The following ITFG1 variants were observed in gnomAD, a reference collection of about 807,000 sequenced individuals.
ITFG1 encodes the protein T-cell immunomodulatory protein.
A neutral mutation model predicts 81.8 loss-of-function variants in ITFG1; 34 were observed. That is an observed-to-expected ratio of 0.42 (90% confidence interval 0.32 to 0.55). The LOEUF (loss-of-function observed/expected upper bound fraction) is 0.55. Among genes scored for constraint, ITFG1 ranks in the 20% least tolerant of loss-of-function variants. The probability of loss-of-function intolerance (pLI) is 0.17; values close to 1 mark genes in which losing one functional copy is unlikely to be tolerated. For missense variants in ITFG1, 672 were observed against 755.4 expected (o/e 0.89, Z 1.29); for synonymous variants, 285 against 270.6 (o/e 1.05, Z -0.52).
chr16:47,452,622 C>A (rs974929891), intron 4 of ITFG1, 111 bp downstream of exon 4: 2 of 680,236 alleles, frequency 2.9e-6, no homozygotes, highest in Admixed American at 6.1e-5. Flanking sequence ...AAGGTACAGG[C>A]CTCTGAGTGA....
At chr16:47,374,559 T>G (rs1249894332) in intron 7 of ITFG1, among the ~76,000 whole-genome samples, 1 of 152,172 alleles carries the variant, frequency 6.6e-6, no homozygotes, top group Non-Finnish European at 1.5e-5. Context: ...CATTTTCTAA[T>G]ACTAGAAGAT....
At chr16:47,320,091 C>A (rs1296187596) in intron 8 of ITFG1, among the ~76,000 whole-genome samples, 2 of 152,130 alleles carry the variant, frequency 1.3e-5, no homozygotes, top group African/African-American at 4.8e-5. Context: ...CCAGCAGAGG[C>A]CCATATTTTG....
At chr16:47,372,261 T>C (rs1596938665) in intron 7 of ITFG1, among the ~76,000 whole-genome samples, 9 of 152,096 alleles carry the variant, frequency 5.9e-5, no homozygotes, top group Admixed American at 5.2e-4. Flanking sequence ...ATTTTTAATA[T>C]AGAGATGAGG....
intron 14 of ITFG1, among the ~76,000 whole-genome samples, chr16:47,184,943 G>T (rs962915646): frequency 6.6e-6 from 1 of 151,560 alleles, no homozygotes; most frequent in African/African-American, 2.4e-5. Flanking sequence ...GATCTACCAA[G>T]CAAATGGAAA....
intron 8 of ITFG1, among the ~76,000 whole-genome samples, chr16:47,314,071 G>C (rs902286300): frequency 1.7e-4 from 26 of 152,090 alleles, no homozygotes; most frequent in African/African-American, 6.0e-4. Flanking sequence ...TAGGAGGGAG[G>C]GGGGCAAGGG....
intron 6 of ITFG1, among the ~76,000 whole-genome samples, chr16:47,419,558 C>A (rs557086860): frequency 3.0e-4 from 46 of 151,872 alleles, no homozygotes; most frequent in Middle Eastern, 3.4e-3. Flanking sequence ...AGGCGTGAGC[C>A]ACTGCACCTG....
At chr16:47,394,021 A>T (rs1457398456) in intron 6 of ITFG1, among the ~76,000 whole-genome samples, 1 of 152,228 alleles carries the variant, frequency 6.6e-6, no homozygotes. Flanking sequence ...TGGAATTAGC[A>T]TTAATTTCAG....
chr16:47,390,591 T>C (rs1427872186), intron 6 of ITFG1, among the ~76,000 whole-genome samples: 2 of 152,146 alleles, frequency 1.3e-5, no homozygotes, highest in Non-Finnish European at 2.9e-5. Flanking sequence ...CCCAAGTAGC[T>C]GGGATTACAG....
Position 47,453,994 on chromosome 16 carries a change from A to T in ITFG1, c.427+19T>A, listed in dbSNP as rs1331587886. On this transcript the variant is annotated intron_variant, in intron 3 of 17. Coordinates refer to ENST00000320640, the MANE Select transcript of ITFG1 (RefSeq NM_030790.5). ...TCATATTCAATGATAAATATTAAAA[A>T]TTTTTAAAACAAATTCACCTAATGT... The T allele has an allele frequency of 1.3e-5, 19 of 1,516,288 alleles. No homozygotes were observed. The Admixed American group carries it at 1.8e-4, about 14-fold the overall frequency. The allele number at this position is 1,516,288 out of a possible 1,614,324, so 93.9% of individuals were successfully genotyped here. A position where few individuals can be genotyped will look rare whatever the true frequency, so the allele number is the denominator to read the frequency against.
chr16:47,388,449 A>C (rs1184076255), intron 6 of ITFG1, among the ~76,000 whole-genome samples: 1 of 152,208 alleles, frequency 6.6e-6, no homozygotes, highest in African/African-American at 2.4e-5. Context: ...TTTTGAAAGA[A>C]GCAAGGGAAA....
At chr16:47,443,990 C>T (rs564193828) in intron 5 of ITFG1, among the ~76,000 whole-genome samples, 228 of 152,158 alleles carry the variant, frequency 1.5e-3, no homozygotes, top group Non-Finnish European at 2.6e-3. Flanking sequence ...AAAATATCTG[C>T]CATATAACGT....
intron 6 of ITFG1, among the ~76,000 whole-genome samples, chr16:47,394,073 T>A (rs1459389896): frequency 6.6e-6 from 1 of 152,208 alleles, no homozygotes; most frequent in Non-Finnish European, 1.5e-5. Flanking sequence ...AAAGATATAC[T>A]GCAGAGCAGC....
At chr16:47,340,278 G>A (rs1174194009) in intron 8 of ITFG1, among the ~76,000 whole-genome samples, 1 of 152,074 alleles carries the variant, frequency 6.6e-6, no homozygotes, top group Non-Finnish European at 1.5e-5. Flanking sequence ...CAGTATTATT[G>A]TATTATTTAT....
chr16:47,390,139 G>A (rs1353360883), intron 6 of ITFG1, among the ~76,000 whole-genome samples: 1 of 152,190 alleles, frequency 6.6e-6, no homozygotes, highest in African/African-American at 2.4e-5. Context: ...AGTCTGTTAA[G>A]ACTGGAGCTC....
chr16:47,391,971 T>C (rs971226081), intron 6 of ITFG1, among the ~76,000 whole-genome samples: 3 of 152,186 alleles, frequency 2.0e-5, no homozygotes, highest in African/African-American at 7.2e-5. Context: ...TACAAGAGTA[T>C]TTCTTGGCGG....
chr16:47,379,832 A>T (rs1010752441), intron 6 of ITFG1, among the ~76,000 whole-genome samples: 1 of 152,102 alleles, frequency 6.6e-6, no homozygotes, highest in Non-Finnish European at 1.5e-5. Context: ...GCTGTCTTGC[A>T]ATAGTATTCT....
At position 47,428,889 on chromosome 16, in the gene ITFG1, T is replaced by A. The variant is rs1210489838; in HGVS notation, c.570A>T (p.Ser190=). 1 of 1,572,906 alleles carries A rather than the reference T, an allele frequency of 6.4e-7. No individual in the cohort carries two copies. Among genetic ancestry groups the A allele is most frequent in the Non-Finnish European group, 8.7e-7 (1 of 1,154,144 alleles). ...QPQILLGGNL[S]WHPALTTTSK... ...TTGTAGTGGTCAATGCTGGATGCCA[T>A]GATAAATTCCTAAAAAATAAAATAA... Residue 190 remains serine (S), a synonymous_variant, in exon 6 of 18, where the codon TCA becomes TCT. Transcript: ENST00000320640.
At chr16:47,273,082 A>C (rs1966360600) in intron 10 of ITFG1, among the ~76,000 whole-genome samples, 1 of 151,610 alleles carries the variant, frequency 6.6e-6, no homozygotes, top group East Asian at 1.9e-4. Flanking sequence ...CATTTAACTT[A>C]AAGTCTGATT....
chr16:47,239,000 G>A (rs968592330), intron 12 of ITFG1, among the ~76,000 whole-genome samples: 1 of 152,188 alleles, frequency 6.6e-6, no homozygotes, highest in Admixed American at 6.5e-5. Context: ...CCTCATGAAT[G>A]GGATTAATGC....
Sources: allele counts gnomAD v4.1 joint callset (sites outside exome capture counted in the v4.1 genomes callset), GRCh38; gene constraint gnomAD v4.1.1; transcripts MANE v1.5; gene names NCBI Gene and HGNC (gene_info 2026-07-23, HGNC 2026-07-21).